The following NCALD variants were observed in gnomAD, a reference collection of about 807,000 sequenced individuals.
NCALD encodes the protein neurocalcin delta, also known as neurocalcin-delta.
A neutral mutation model predicts 18.6 loss-of-function variants in NCALD; 10 were observed. That is an observed-to-expected ratio of 0.54 (90% CI 0.33 to 0.91). The LOEUF is 0.91. Ranked by LOEUF, NCALD falls within the 40% of genes least tolerant of loss-of-function variation. The pLI, the probability that NCALD is intolerant of heterozygous loss-of-function variation, is 0.03. For synonymous variants in NCALD, 88 were observed against 87.4 expected (o/e 1.01, Z -0.04); for missense variants, 184 against 247.6 (o/e 0.74, Z 1.72).
chr8:101,993,945 C>T (rs1265414169), intron 2 of NCALD, among the ~76,000 whole-genome samples: 1 of 152,212 alleles, frequency 6.6e-6, no homozygotes, highest in East Asian at 1.9e-4. Flanking sequence ...CCTCCCAGCA[C>T]TGCATAAATA....
At chr8:101,997,132 T>C (rs1821267866) in intron 2 of NCALD, among the ~76,000 whole-genome samples, 1 of 152,166 alleles carries the variant, frequency 6.6e-6, no homozygotes, top group South Asian at 2.1e-4. Context: ...TCCATTAAGC[T>C]CATTTAAGCT....
chr8:101,997,522 A>C (rs1169301076), intron 2 of NCALD, among the ~76,000 whole-genome samples: 1 of 152,228 alleles, frequency 6.6e-6, no homozygotes, highest in Non-Finnish European at 1.5e-5. Flanking sequence ...ATGTTTAAAG[A>C]CTTGATGCAA....
At chr8:102,113,861 T>A (rs1825706484) in intron 1 of NCALD, among the ~76,000 whole-genome samples, 4 of 152,224 alleles carry the variant, frequency 2.6e-5, no homozygotes, top group Admixed American at 2.6e-4. Context: ...TTCAGAACAA[T>A]CTACTTGAAA....
chr8:101,957,656 G>A (rs1271682447), intron 2 of NCALD, among the ~76,000 whole-genome samples: 5 of 152,150 alleles, frequency 3.3e-5, no homozygotes, highest in East Asian at 1.9e-4. Context: ...TGGCTCAACC[G>A]TTGAATCAGA....
At chr8:101,895,132 G>A (rs1273384808) in intron 3 of NCALD, among the ~76,000 whole-genome samples, 1 of 151,022 alleles carries the variant, frequency 6.6e-6, no homozygotes, top group Admixed American at 6.6e-5. Context: ...CTAGCAAAAC[G>A]AATCCAGCAG....
chr8:101,854,642 G>A (rs916214107), intron 4 of NCALD, among the ~76,000 whole-genome samples: 7 of 152,060 alleles, frequency 4.6e-5, no homozygotes, highest in Non-Finnish European at 8.8e-5. Context: ...ACTGTATTTT[G>A]CTGCTGAATA....
intron 2 of NCALD, among the ~76,000 whole-genome samples, chr8:101,999,602 G>T (rs895506601): frequency 6.6e-6 from 1 of 151,902 alleles, no homozygotes; most frequent in Non-Finnish European, 1.5e-5. Flanking sequence ...CAAAATCTCA[G>T]AAATCACCAC....
intron 1 of NCALD, among the ~76,000 whole-genome samples, chr8:101,728,853 C>T (rs1816689786): frequency 1.3e-5 from 2 of 148,830 alleles, no homozygotes; most frequent in African/African-American, 2.4e-5. Flanking sequence ...AAACAAAAAG[C>T]ACGCAAAAAA....
At chr8:101,791,884 AG>A (rs1478412073), upstream of NCALD, among the ~76,000 whole-genome samples, 3 of 152,208 alleles carry the variant, frequency 2.0e-5, no homozygotes, top group Non-Finnish European at 4.4e-5. Flanking sequence ...ATAGAATGAA[AG>A]GGTTATCTCA....
chr8:101,725,335 CAG>C (rs1375285889), intron 1 of NCALD, among the ~76,000 whole-genome samples: 1 of 152,206 alleles, frequency 6.6e-6, no homozygotes, highest in Non-Finnish European at 1.5e-5. Flanking sequence ...AGCATGACTT[CAG>C]AGAGAAGCCT....
intron 1 of NCALD, among the ~76,000 whole-genome samples, chr8:102,076,180 C>T (rs762979221): frequency 1.9e-4 from 29 of 152,006 alleles, no homozygotes; most frequent in Non-Finnish European, 3.8e-4. Context: ...TATTATAAAA[C>T]ATGAAACGTG....
chr8:101,815,270 T>C (rs1300001628), intron 4 of NCALD, among the ~76,000 whole-genome samples: 1 of 151,952 alleles, frequency 6.6e-6, no homozygotes, highest in Non-Finnish European at 1.5e-5. Flanking sequence ...AGTGGACAAA[T>C]AGATCAATGG....
chr8:101,975,188 G>T (rs1426536964), intron 2 of NCALD: 1 of 152,134 alleles, frequency 6.6e-6, no homozygotes, highest in Non-Finnish European at 1.5e-5. Context: ...TTATTTTACA[G>T]GACTATTTGA....
At chr8:101,796,947 T>C (rs1044823432) in intron 4 of NCALD, among the ~76,000 whole-genome samples, 1 of 152,182 alleles carries the variant, frequency 6.6e-6, no homozygotes, top group African/African-American at 2.4e-5. Flanking sequence ...CGGAAAGGCT[T>C]ATCAAAAACC....
At chr8:101,859,611 T>C (rs1369177174) in intron 4 of NCALD, among the ~76,000 whole-genome samples, 2 of 152,162 alleles carry the variant, frequency 1.3e-5, no homozygotes, top group Non-Finnish European at 2.9e-5. Context: ...AAACGTATGA[T>C]AGCAGAGATT....
chr8:101,801,716 G>GAGTGC (rs977031852), intron 4 of NCALD, among the ~76,000 whole-genome samples: 1 of 125,466 alleles, frequency 8.0e-6, no homozygotes, highest in African/African-American at 2.9e-5. Context: ...GCCCAGGCTG[G>GAGTGC]AGTGCAGTGG....
intron 1 of NCALD, among the ~76,000 whole-genome samples, chr8:102,120,626 C>T (rs527421): frequency 0.48 from 73,472 of 151,946 alleles, 18,147 homozygotes; most frequent in East Asian, 0.59. Context: ...AGGCCATATC[C>T]GAAATGTCTT....
chr8:101,957,786 A>G (rs1351842470), intron 2 of NCALD, among the ~76,000 whole-genome samples: 2 of 152,180 alleles, frequency 1.3e-5, no homozygotes, highest in African/African-American at 2.4e-5. Context: ...GGTGTGAGAC[A>G]TGTAATGCAG....
intron 2 of NCALD, among the ~76,000 whole-genome samples, chr8:101,925,950 C>A (rs1290655516): frequency 2.0e-5 from 3 of 152,178 alleles, no homozygotes. Context: ...TGGGCAGGTC[C>A]TCAGGAGTCC....
Sources: gnomAD v4.1 joint callset for allele counts (sites outside exome capture counted in the v4.1 genomes callset) on GRCh38, gnomAD v4.1.1 for gene constraint, MANE v1.5 for transcripts, NCBI Gene and HGNC (gene_info 2026-07-23, HGNC 2026-07-21) for gene names.